Variants in ARID4B observed in about 807,000 individuals in gnomAD.
The protein encoded by ARID4B is AT-rich interactive domain-containing protein 4B.
A neutral mutation model predicts 147.5 loss-of-function variants in ARID4B; 26 were observed. The observed-to-expected ratio is 0.18, with a 90% CI of 0.13 to 0.24. ARID4B has a LOEUF of 0.24. Among genes scored for constraint, ARID4B ranks in the 10% least tolerant of loss-of-function variants. The probability of loss-of-function intolerance (pLI) is 1.00; values close to 1 mark genes in which losing one functional copy is unlikely to be tolerated. For missense variants in ARID4B, 1,179 were observed against 1,511.5 expected (o/e 0.78, Z 3.65); for synonymous variants, 512 against 507.9 (o/e 1.01, Z -0.11).
intron 2 of ARID4B, among the ~76,000 whole-genome samples, chr1:235,282,330 C>T (rs1264473910): frequency 2.0e-5 from 3 of 152,176 alleles, no homozygotes; most frequent in Non-Finnish European, 4.4e-5. Context: ...CTGTCTCTAA[C>T]TTACAAAAAG....
rs184230084 is a variant in ARID4B, at chr1:235,269,454, T to C, written c.7-8702A>G. On this transcript the variant is annotated intron_variant, in intron 2 of 23. Transcript: ENST00000264183. ...CTTTCTGTGGTATATCTGCCAAGAGTAACTGGAAATGAGAAAAAGTAGACA... is the reference window on the plus strand; with the variant it reads ...CTTTCTGTGGTATATCTGCCAAGAGCAACTGGAAATGAGAAAAAGTAGACA... 3.4e-4 allele frequency among the ~76,000 whole-genome samples: 52 copies of C among 152,230 alleles called. 1 individual carries two copies. Among genetic ancestry groups the C allele is most frequent in the Admixed American group, 2.6e-3 (40 of 15,298 alleles).
Position 235,231,187 on chromosome 1 carries a change from G to C in ARID4B, c.668C>G (p.Thr223Ser). The change falls in exon 10 of 24, where the codon ACT becomes AGT. Residue 223 changes from threonine to serine, a missense_variant and splice_region_variant. By Grantham distance (58) the Thr-to-Ser change is moderately conservative (BLOSUM62 1). Coordinates refer to ENST00000264183, the MANE Select transcript of ARID4B (RefSeq NM_016374.6). ...LVRSFKDGKF[T>S]SVPRKDVHEI... ...ATGGACATCTTTTCTTGGAACTGAA[G>C]TACTATATATTTTTTTTAATTATAA... The C allele has an allele frequency of 6.5e-7, 1 of 1,543,508 alleles. No individual in the cohort carries two copies. Among genetic ancestry groups the C allele is most frequent in the Non-Finnish European group, 8.8e-7 (1 of 1,140,360 alleles).
chr1:235,227,000 C>A (rs533501730), intron 11 of ARID4B, among the ~76,000 whole-genome samples: 1 of 152,224 alleles, frequency 6.6e-6, no homozygotes, highest in Admixed American at 6.5e-5. Flanking sequence ...AGCAAATGAA[C>A]TGGTGCTTTC....
At chr1:235,291,391 G>A (rs1672325689) in intron 2 of ARID4B, among the ~76,000 whole-genome samples, 1 of 151,890 alleles carries the variant, frequency 6.6e-6, no homozygotes, top group South Asian at 2.1e-4. Flanking sequence ...CTGGGCAACA[G>A]AGCAAGACTC....
chr1:235,311,356 C>CAATAATAATAATAAT (rs57278836), intron 2 of ARID4B, among the ~76,000 whole-genome samples: 3 of 136,732 alleles, frequency 2.2e-5, no homozygotes, highest in Non-Finnish European at 4.7e-5. Context: ...TGTCTCAAAA[C>CAATAATAATAATAAT]AATAATAATA....
chr1:235,203,403 T>G (rs1380998693), intron 17 of ARID4B, among the ~76,000 whole-genome samples: 1 of 152,174 alleles, frequency 6.6e-6, no homozygotes, highest in Non-Finnish European at 1.5e-5. Flanking sequence ...AATATATACC[T>G]AAAAAGCACA....
intron 3 of ARID4B, among the ~76,000 whole-genome samples, chr1:235,258,369 A>G (rs1192885072): frequency 1.3e-5 from 2 of 152,126 alleles, no homozygotes; most frequent in Non-Finnish European, 2.9e-5. Flanking sequence ...CAGAAAGTGT[A>G]AGTACCTGGT....
At chr1:235,182,838 T>C (rs758980611) in intron 19 of ARID4B, 45 bp from the exon 20 acceptor site, 1 of 1,521,524 alleles carries the variant, frequency 6.6e-7, no homozygotes, top group Admixed American at 2.1e-5. Flanking sequence ...ATAAGAACAC[T>C]AGCAATGTCT....
intron 14 of ARID4B, among the ~76,000 whole-genome samples, 200 bp from the exon 15 acceptor site, chr1:235,220,745 T>G (rs867219982): frequency 6.6e-6 from 1 of 152,228 alleles, no homozygotes; most frequent in African/African-American, 2.4e-5. Context: ...AACACTGTGC[T>G]CAGAGTCATA....
intron 16 of ARID4B, among the ~76,000 whole-genome samples, 159 bp from the exon 17 acceptor site, chr1:235,214,185 C>T (rs1430788785): frequency 6.6e-6 from 1 of 152,032 alleles, no homozygotes; most frequent in Non-Finnish European, 1.5e-5. Context: ...CTATTAAAAA[C>T]TAAAACTGTA....
intron 2 of ARID4B, among the ~76,000 whole-genome samples, chr1:235,309,737 G>A (rs1289321416): frequency 6.6e-6 from 1 of 152,098 alleles, no homozygotes; most frequent in Admixed American, 6.5e-5. Context: ...AGAAAGGGGG[G>A]AAAGGTGGGG....
chr1:235,288,315 A>C (rs886388009), intron 2 of ARID4B, among the ~76,000 whole-genome samples: 2 of 152,214 alleles, frequency 1.3e-5, no homozygotes, highest in African/African-American at 4.8e-5. Flanking sequence ...TTTCAAAAAA[A>C]AAAAAGTAAG....
intron 21 of ARID4B, 26 bp downstream of exon 21, chr1:235,177,774 T>G (rs766192929): frequency 6.8e-7 from 1 of 1,473,440 alleles, no homozygotes; most frequent in Non-Finnish European, 9.4e-7. Context: ...TTTTTATATT[T>G]TAAAAATTAG....
chr1:235,317,832 T>C (rs1047875837), intron 2 of ARID4B, among the ~76,000 whole-genome samples: 5 of 152,156 alleles, frequency 3.3e-5, no homozygotes, highest in African/African-American at 4.8e-5. Context: ...TCAATAAATA[T>C]TGAATTAATT....
At position 235,182,607 on chromosome 1, in the gene ARID4B, A is replaced by G. The variant is rs762735544; in HGVS notation, c.2312T>C (p.Ile771Thr). 6.2e-7 allele frequency: 1 copy of G among 1,613,470 alleles called. No individual in the cohort carries two copies. Among genetic ancestry groups the G allele is most frequent in the Admixed American group, 1.7e-5 (1 of 59,954 alleles). Reference protein sequence around the residue: ...EENKVHADLVISKPVSKSPER... With the variant: ...EENKVHADLVTSKPVSKSPER... ...TGGAGATTTTGACACTGGTTTGGATATTACCAAATCTGCATGAACTTTGTT... is the reference window on the plus strand; with the variant it reads ...TGGAGATTTTGACACTGGTTTGGATGTTACCAAATCTGCATGAACTTTGTT... The change falls in exon 20 of 24, where the codon ATA (isoleucine) becomes ACA (threonine). Residue 771 changes from isoleucine to threonine, a missense_variant. This residue lies in a region of ARID4B where 321 missense variants were observed against 342.4 expected (regional missense o/e 0.94). Coordinates refer to ENST00000264183, the MANE Select transcript of ARID4B (RefSeq NM_016374.6).
intron 12 of ARID4B, 122 bp from the exon 13 acceptor site, chr1:235,223,382 T>TATATATATACGTATATATATATATATAC (rs71172272): frequency 3.3e-5 from 7 of 214,192 alleles, no homozygotes; most frequent in East Asian, 2.9e-4. Flanking sequence ...TATATATATA[T>TATATATATACGTATATATATATATATAC]ACACGTATAT....
intron 17 of ARID4B, among the ~76,000 whole-genome samples, chr1:235,207,959 G>A (rs1666431717): frequency 6.6e-6 from 1 of 152,002 alleles, no homozygotes; most frequent in Non-Finnish European, 1.5e-5. Context: ...AACTGTTGTG[G>A]CTTATTTAAG....
At chr1:235,187,719 C>T (rs1338080135) in intron 19 of ARID4B, among the ~76,000 whole-genome samples, 1 of 152,098 alleles carries the variant, frequency 6.6e-6, no homozygotes, top group Admixed American at 6.6e-5. Context: ...TATACATACA[C>T]ATATGCATTC....
At chr1:235,209,203 A>G (rs1416689504) in intron 17 of ARID4B, among the ~76,000 whole-genome samples, 3 of 152,238 alleles carry the variant, frequency 2.0e-5, no homozygotes, top group Non-Finnish European at 4.4e-5. Flanking sequence ...GGTCGGGCGC[A>G]GTGGCTCACG....
Sources: gnomAD v4.1 joint callset for allele counts (sites outside exome capture counted in the v4.1 genomes callset) on GRCh38, gnomAD v4.1.1 for gene constraint, gnomAD v4.1.1 regional missense constraint, MANE v1.5 for transcripts, NCBI Gene and HGNC (gene_info 2026-07-23, HGNC 2026-07-21) for gene names.